The following FANCA variants were observed in gnomAD, a reference collection of about 807,000 sequenced individuals.
FANCA encodes FA complementation group A, also known as Fanconi anemia group A protein.
Under a neutral mutation model 194.3 loss-of-function variants are expected in FANCA, and 236 were observed. The ratio of observed to expected loss-of-function variants is 1.21; its 90% confidence interval spans 1.09 to 1.35. The LOEUF (loss-of-function observed/expected upper bound fraction) is 1.35, where lower values mean the gene tolerates loss of function less well. Ranked by LOEUF, FANCA falls within the 40% of genes most tolerant of loss-of-function variation. The pLI is 0.00. For missense variants in FANCA, 2,628 were observed against 1,813.9 expected (o/e 1.45, Z -8.15); for synonymous variants, 1,014 against 715.8 (o/e 1.42, Z -6.65).
At chr16:89,764,862 T>C (rs762340412) in intron 28 of FANCA, 28 bp downstream of exon 28, 3 of 1,610,798 alleles carry the variant, frequency 1.9e-6, no homozygotes, top group East Asian at 2.2e-5. Flanking sequence ...GGACGTGGCA[T>C]GATGCAGGAG....
At chr16:89,746,801 G>A in intron 34 of FANCA, 30 bp downstream of exon 34, 1 of 1,573,978 alleles carries the variant, frequency 6.4e-7, no homozygotes, top group African/African-American at 1.4e-5. Flanking sequence ...TTCTGAGAAG[G>A]CCACGAGAGG....
At chr16:89,782,986 G>A (rs778274435) in intron 16 of FANCA, 21 bp downstream of exon 16, 8 of 1,612,078 alleles carry the variant, frequency 5.0e-6, no homozygotes, top group South Asian at 2.2e-5. Context: ...TGTGAGGAGT[G>A]GGCATGGAGG....
At chr16:89,809,775 C>T (rs1418427413) in intron 5 of FANCA, among the ~76,000 whole-genome samples, 1 of 151,884 alleles carries the variant, frequency 6.6e-6, no homozygotes, top group Non-Finnish European at 1.5e-5. Context: ...ATGGCGTGAA[C>T]CCGGGAGGCG....
At chr16:89,752,838 A>T (rs2038643331) in intron 30 of FANCA, among the ~76,000 whole-genome samples, 1 of 152,172 alleles carries the variant, frequency 6.6e-6, no homozygotes, top group Admixed American at 6.5e-5. Context: ...CGGTAGCAAA[A>T]GGTGTCAAGG....
At chr16:89,816,129 T>A (rs1250237769) in intron 1 of FANCA, 143 bp from the exon 2 acceptor site, 2 of 711,434 alleles carry the variant, frequency 2.8e-6, no homozygotes, top group Admixed American at 4.1e-5. Flanking sequence ...AGGGCGCAGG[T>A]CTCGGGAAAC....
At chr16:89,792,382 G>A (rs532238082) in intron 12 of FANCA, 89 bp downstream of exon 12, 138 of 1,367,666 alleles carry the variant, frequency 1.0e-4, no homozygotes, top group South Asian at 4.8e-4. Flanking sequence ...TCGATGTGCC[G>A]TCCACGGCAG....
intron 13 of FANCA, 51 bp downstream of exon 13, chr16:89,791,876 C>G (rs372819719): frequency 6.2e-7 from 1 of 1,611,222 alleles, no homozygotes. Flanking sequence ...CTGCTGACAC[C>G]CCCCTACACA....
chr16:89,804,265 C>G (rs1223635027), intron 7 of FANCA, among the ~76,000 whole-genome samples: 4 of 152,122 alleles, frequency 2.6e-5, no homozygotes, highest in Non-Finnish European at 5.9e-5. Flanking sequence ...GTAGGTGTCA[C>G]TTGTAGTGGG....
At position 89,737,964 on chromosome 16, in the gene FANCA, T is replaced by C; in HGVS notation, c.*637A>G. On this transcript the variant is annotated 3_prime_UTR_variant, in exon 43 of 43. Transcript: ENST00000389301. ...TGGCCCTCGCACCTTCTTATCTGCC[T>C]CTGTCCCCCAGGTGTGAGGTCTGTG... 6.2e-7 allele frequency: 1 copy of C among 1,614,088 alleles called. No homozygotes were observed. The highest frequency in any genetic ancestry group is 8.5e-7 in the Non-Finnish European group (1 of 1,179,976).
chr16:89,744,762 T>G, intron 36 of FANCA, 197 bp downstream of exon 36: 1 of 626,540 alleles, frequency 1.6e-6, no homozygotes, highest in Non-Finnish European at 2.9e-6. Context: ...GTTCAACTGA[T>G]TCTCCTGCCT....
intron 17 of FANCA, among the ~76,000 whole-genome samples, chr16:89,780,366 A>G (rs1011098491): frequency 1.3e-5 from 2 of 152,140 alleles, no homozygotes; most frequent in African/African-American, 4.8e-5. Context: ...TCATGTCTAT[A>G]AACGCAGTGC....
chr16:89,739,734 G>T lies in FANCA; in HGVS notation c.3935-181C>A, dbSNP rs1031181721. ...TCAGCAGCTGGGAGAGGATGGGGGG[G>T]TCGACCTCTTGCAGGAGGGTGGGTG... On this transcript the variant is annotated intron_variant, in intron 39 of 42. Transcript: ENST00000389301. The T allele has an allele frequency of 2.1e-5, 31 of 1,495,734 alleles. No individual in the cohort carries two copies. The African/African-American group carries it at 3.9e-4, about 19-fold the overall frequency. The allele number at this position is 1,495,734 out of a possible 1,614,324, so 92.7% of individuals were successfully genotyped here.
intron 13 of FANCA, 80 bp downstream of exon 13, chr16:89,791,847 C>T (rs2143528767): frequency 6.3e-7 from 1 of 1,577,538 alleles, no homozygotes; most frequent in Non-Finnish European, 8.7e-7. Flanking sequence ...GAGAGGCTCA[C>T]CCACAGTCAG....
chr16:89,811,875 C>A (rs1390809113), intron 3 of FANCA, among the ~76,000 whole-genome samples: 1 of 151,986 alleles, frequency 6.6e-6, no homozygotes, highest in Non-Finnish European at 1.5e-5. Flanking sequence ...GGATTACAGG[C>A]ACGCGTCACT....
rs925457555 is a variant in FANCA, at chr16:89,783,098, T to A, written c.1475A>T (p.His492Leu). 7 of 1,611,876 alleles carry A rather than the reference T, an allele frequency of 4.3e-6. No individual in the cohort carries two copies. Among genetic ancestry groups the A allele is most frequent in the Non-Finnish European group, 5.1e-6 (6 of 1,178,176 alleles). Residue 492 changes from histidine to leucine, a missense_variant, in exon 16 of 43, where the codon CAC becomes CTC. By Grantham distance (99) the His-to-Leu change is moderately conservative. Transcript: ENST00000389301. ...PFESPRYLQV[H>L]ILHPPLVPGK... Reference sequence around the variant, plus strand: ...GGGAACCAGGGGTGGGTGGAGAATGTGCACCTGAGGATAGATAGCAGAGCG... The same window carrying A: ...GGGAACCAGGGGTGGGTGGAGAATGAGCACCTGAGGATAGATAGCAGAGCG...
intron 39 of FANCA, 28 bp downstream of exon 39, chr16:89,739,966 A>C (rs768737273): frequency 1.4e-5 from 23 of 1,612,596 alleles, no homozygotes; most frequent in Admixed American, 3.3e-5. Flanking sequence ...GGCCCTCCGC[A>C]TTTGTGCCTC....
At chr16:89,816,034 G>A (rs529646774) in intron 1 of FANCA, 48 bp from the exon 2 acceptor site, 1 of 1,448,544 alleles carries the variant, frequency 6.9e-7, no homozygotes, top group Non-Finnish European at 9.7e-7. Flanking sequence ...ATTCACACAC[G>A]GGGTCCCCGG....
At chr16:89,763,019 G>T (rs62054642) in intron 28 of FANCA, among the ~76,000 whole-genome samples, 1 of 151,106 alleles carries the variant, frequency 6.6e-6, no homozygotes, top group Non-Finnish European at 1.5e-5. Flanking sequence ...AGGCCGAGGC[G>T]GGAGGATGAT....
At chr16:89,739,086 C>T (rs756403983) in intron 41 of FANCA, 47 bp downstream of exon 41, 33 of 1,613,884 alleles carry the variant, frequency 2.0e-5, no homozygotes, top group African/African-American at 8.0e-5. Flanking sequence ...AAGGAGCCTC[C>T]GGCTGGGGGG....
Sources: gnomAD v4.1 joint callset for allele counts (sites outside exome capture counted in the v4.1 genomes callset) on GRCh38, gnomAD v4.1.1 for gene constraint, MANE v1.5 for transcripts, NCBI Gene and HGNC (gene_info 2026-07-23, HGNC 2026-07-21) for gene names.